The following METAP1D variants were observed in gnomAD, a reference collection of about 807,000 sequenced individuals.
The protein encoded by METAP1D is methionine aminopeptidase 1D, mitochondrial.
METAP1D carries 31 observed loss-of-function variants against 40.5 expected under a neutral mutation model. The ratio of observed to expected loss-of-function variants is 0.77; its 90% CI spans 0.58 to 1.03. The LOEUF is 1.03. METAP1D is among the 50% of genes least tolerant of loss of function. METAP1D has a pLI of 0.00. For synonymous variants in METAP1D, 151 were observed against 146.4 expected, an observed-to-expected ratio of 1.03 and a Z score of -0.22; for missense variants, 411 against 420.7, an observed-to-expected ratio of 0.98 and a Z score of 0.20.
intron 5 of METAP1D, among the ~76,000 whole-genome samples, chr2:172,068,158 C>T (rs766910525): frequency 7.9e-5 from 12 of 152,114 alleles, no homozygotes; most frequent in South Asian, 2.1e-4. Context: ...CCAAGGCAGG[C>T]GGATCACCTG....
intron 2 of METAP1D, 27 bp from the exon 3 acceptor site, chr2:172,063,684 C>G (rs763227463): frequency 6.3e-7 from 1 of 1,575,016 alleles, no homozygotes; most frequent in Non-Finnish European, 8.7e-7. Context: ...GGGTTCTGAT[C>G]TTCGTTTTCA....
At chr2:172,020,085 C>T (rs1688970949) in intron 1 of METAP1D, among the ~76,000 whole-genome samples, 1 of 152,178 alleles carries the variant, frequency 6.6e-6, no homozygotes, top group Non-Finnish European at 1.5e-5. Flanking sequence ...CTCCCGGGTT[C>T]AAGCAATTTG....
At chr2:172,074,472 C>A (rs767480894) in intron 6 of METAP1D, among the ~76,000 whole-genome samples, 3 of 152,164 alleles carry the variant, frequency 2.0e-5, no homozygotes, top group Admixed American at 6.5e-5. Context: ...CTTCTCTCTG[C>A]ACATGAAAGT....
At chr2:172,070,876 G>T in intron 5 of METAP1D, 31 bp from the exon 6 acceptor site, 1 of 1,548,328 alleles carries the variant, frequency 6.5e-7, no homozygotes, top group South Asian at 1.2e-5. Flanking sequence ...TTTAAACAAG[G>T]ACATATTTTT....
intron 3 of METAP1D, among the ~76,000 whole-genome samples, chr2:172,064,659 C>A (rs1574138089): frequency 6.6e-6 from 1 of 150,814 alleles, no homozygotes; most frequent in Non-Finnish European, 1.5e-5. Context: ...TCATTTAGTT[C>A]TTTCATAATA....
chr2:172,056,973 A>G (rs1364006811), intron 1 of METAP1D, among the ~76,000 whole-genome samples: 3 of 152,232 alleles, frequency 2.0e-5, no homozygotes, highest in Non-Finnish European at 2.9e-5. Context: ...CATGATAAAA[A>G]AAACTGACCT....
intron 1 of METAP1D, among the ~76,000 whole-genome samples, chr2:172,000,731 A>C (rs748350238): frequency 1.3e-5 from 2 of 152,208 alleles, no homozygotes; most frequent in Non-Finnish European, 1.5e-5. Flanking sequence ...TTTTCATAGT[A>C]ACAGCTACTG....
At chr2:172,063,901 C>T (rs765849264) in intron 3 of METAP1D, 41 bp downstream of exon 3, 3 of 1,519,198 alleles carry the variant, frequency 2.0e-6, no homozygotes, top group Non-Finnish European at 2.6e-6. Flanking sequence ...ACATAAGGGG[C>T]AACAAACACT....
chr2:172,064,024 G>T, intron 3 of METAP1D, 164 bp downstream of exon 3: 1 of 825,142 alleles, frequency 1.2e-6, no homozygotes, highest in Non-Finnish European at 1.7e-6. Flanking sequence ...GCCTTGGGAT[G>T]GGGAAAAGGA....
chr2:172,015,015 T>G (rs540857253), intron 1 of METAP1D, among the ~76,000 whole-genome samples: 1 of 152,218 alleles, frequency 6.6e-6, no homozygotes, highest in Non-Finnish European at 1.5e-5. Context: ...TGAAAAGATA[T>G]CCATTTTGCA....
chr2:172,037,445 G>C (rs1689422860), intron 1 of METAP1D, among the ~76,000 whole-genome samples: 1 of 92,946 alleles, frequency 1.1e-5, no homozygotes, highest in African/African-American at 3.8e-5. Context: ...AAAGGAGAGA[G>C]CATTTTTGTA....
At chr2:172,043,045 G>T (rs1260378542) in intron 1 of METAP1D, among the ~76,000 whole-genome samples, 1 of 108,062 alleles carries the variant, frequency 9.3e-6, no homozygotes, top group Non-Finnish European at 2.0e-5. Context: ...GTGTACACGT[G>T]TACACATATA....
intron 1 of METAP1D, among the ~76,000 whole-genome samples, chr2:172,023,966 C>T (rs1240438263): frequency 6.6e-6 from 1 of 151,926 alleles, no homozygotes; most frequent in Non-Finnish European, 1.5e-5. Context: ...GCCATTCCCC[C>T]ACCTCAGCCT....
chr2:172,036,474 T>C (rs561620468), intron 1 of METAP1D, among the ~76,000 whole-genome samples: 4 of 150,294 alleles, frequency 2.7e-5, no homozygotes, highest in Admixed American at 1.3e-4. Flanking sequence ...CACGCCATTC[T>C]CCTGCCTCAA....
At chr2:172,031,349 G>A (rs1228524005) in intron 1 of METAP1D, among the ~76,000 whole-genome samples, 1 of 152,150 alleles carries the variant, frequency 6.6e-6, no homozygotes, top group Non-Finnish European at 1.5e-5. Flanking sequence ...TAGGGATCTT[G>A]GTGGGAGAGA....
chr2:172,040,681 C>T (rs115524160), intron 1 of METAP1D, among the ~76,000 whole-genome samples: 2,770 of 151,174 alleles, frequency 0.018, 56 homozygotes, highest in Admixed American at 0.068. Flanking sequence ...ATCTCTTTTA[C>T]TGTTACAAGA....
At chr2:172,075,907 A>G (rs943743911) in intron 6 of METAP1D, among the ~76,000 whole-genome samples, 4 of 152,270 alleles carry the variant, frequency 2.6e-5, no homozygotes, top group African/African-American at 9.6e-5. Flanking sequence ...TCCATGACAC[A>G]CAGATTCTAT....
At chr2:172,053,335 T>G (rs1689929826) in intron 1 of METAP1D, among the ~76,000 whole-genome samples, 1 of 152,244 alleles carries the variant, frequency 6.6e-6, no homozygotes, top group African/African-American at 2.4e-5. Flanking sequence ...TATAGTCCCT[T>G]CTGAGCTTAC....
At chr2:172,046,026 A>G (rs1363899156) in intron 1 of METAP1D, among the ~76,000 whole-genome samples, 2 of 147,946 alleles carry the variant, frequency 1.4e-5, no homozygotes, top group East Asian at 4.1e-4. Context: ...AAAGTTTCAA[A>G]GATTGCCATG....
Sources: allele counts gnomAD v4.1 joint callset (sites outside exome capture counted in the v4.1 genomes callset), GRCh38; gene constraint gnomAD v4.1.1; transcripts MANE v1.5; gene names NCBI Gene and HGNC (gene_info 2026-07-23, HGNC 2026-07-21).